NKAIN3: variants seen among roughly 807,000 people sequenced by gnomAD.
The protein encoded by NKAIN3 is sodium/potassium-transporting ATPase subunit beta-1-interacting protein 3.
Under a neutral mutation model 30.2 loss-of-function variants are expected in NKAIN3, and 25 were observed. The ratio of observed to expected loss-of-function variants is 0.83; its 90% CI spans 0.60 to 1.16. The LOEUF (loss-of-function observed/expected upper bound fraction) is 1.16, where lower values mean the gene tolerates loss of function less well. NKAIN3 is among the 50% of genes most tolerant of loss of function. The pLI, the probability that NKAIN3 is intolerant of heterozygous loss-of-function variation, is 0.00. For synonymous variants in NKAIN3, 91 were observed against 89.6 expected (o/e 1.02, Z -0.09); for missense variants, 225 against 254.1 (o/e 0.89, Z 0.78).
chr8:62,551,550 G>A (rs1249702412), intron 1 of NKAIN3, among the ~76,000 whole-genome samples: 1 of 152,140 alleles, frequency 6.6e-6, no homozygotes, highest in African/African-American at 2.4e-5. Context: ...GCTGGAATAG[G>A]GCTCGCCCCT....
chr8:62,703,914 C>G (rs1814431258), intron 3 of NKAIN3, among the ~76,000 whole-genome samples: 1 of 152,136 alleles, frequency 6.6e-6, no homozygotes, highest in Non-Finnish European at 1.5e-5. Context: ...GACTGTTACC[C>G]TACCCTGAAG....
intron 1 of NKAIN3, among the ~76,000 whole-genome samples, chr8:62,313,231 A>G (rs1814504638): frequency 6.6e-6 from 1 of 152,180 alleles, no homozygotes; most frequent in Non-Finnish European, 1.5e-5. Flanking sequence ...TAATTTATGT[A>G]AACCCTCTCA....
intron 4 of NKAIN3, among the ~76,000 whole-genome samples, chr8:62,916,376 A>T (rs1394774782): frequency 6.6e-6 from 1 of 152,208 alleles, no homozygotes; most frequent in African/African-American, 2.4e-5. Context: ...GATATATAGC[A>T]ACTGCAAGAG....
intron 1 of NKAIN3, among the ~76,000 whole-genome samples, chr8:62,296,781 G>A (rs1375247058): frequency 6.6e-6 from 1 of 152,124 alleles, no homozygotes; most frequent in Non-Finnish European, 1.5e-5. Context: ...TTTCTGCTGT[G>A]TTGCAGATCC....
chr8:62,489,113 T>C (rs1245278881), intron 1 of NKAIN3, among the ~76,000 whole-genome samples: 20 of 152,092 alleles, frequency 1.3e-4, no homozygotes, highest in Non-Finnish European at 2.6e-4. Context: ...GCCTCCTGGG[T>C]TCATGCCATT....
intron 3 of NKAIN3, among the ~76,000 whole-genome samples, chr8:62,662,079 G>A (rs528679149): frequency 6.6e-6 from 1 of 152,230 alleles, no homozygotes; most frequent in African/African-American, 2.4e-5. Context: ...ACCAAAAGGA[G>A]CCCCCTGAAA....
intron 1 of NKAIN3, among the ~76,000 whole-genome samples, chr8:62,344,331 C>T (rs1438542829): frequency 2.0e-5 from 3 of 151,974 alleles, no homozygotes; most frequent in Non-Finnish European, 2.9e-5. Flanking sequence ...ATATATTATA[C>T]ATAAGTGCAT....
chr8:62,798,709 G>A (rs905263995), intron 4 of NKAIN3, among the ~76,000 whole-genome samples: 5 of 152,208 alleles, frequency 3.3e-5, no homozygotes, highest in Non-Finnish European at 7.3e-5. Context: ...CTGGCTTGCA[G>A]AACTGAGATA....
intron 1 of NKAIN3, among the ~76,000 whole-genome samples, chr8:62,330,573 A>G (rs1815311213): frequency 1.3e-5 from 2 of 152,108 alleles, no homozygotes; most frequent in Middle Eastern, 3.4e-3. Flanking sequence ...TAGTACGGCC[A>G]TCTTGGTGAT....
chr8:62,871,537 T>A (rs1235557032), intron 4 of NKAIN3, among the ~76,000 whole-genome samples: 1 of 152,220 alleles, frequency 6.6e-6, no homozygotes, highest in Non-Finnish European at 1.5e-5. Flanking sequence ...ACAATATTAT[T>A]AACTGTAGTT....
chr8:62,286,566 T>G (rs1813386038), intron 1 of NKAIN3, among the ~76,000 whole-genome samples: 1 of 152,184 alleles, frequency 6.6e-6, no homozygotes, highest in Non-Finnish European at 1.5e-5. Context: ...TAGGTTTCTA[T>G]TAAACCATCA....
intron 4 of NKAIN3, among the ~76,000 whole-genome samples, chr8:62,845,965 TA>T (rs1486705343): frequency 6.6e-6 from 1 of 152,180 alleles, no homozygotes; most frequent in Non-Finnish European, 1.5e-5. Context: ...TACACAGAAC[TA>T]ACCAGAGACC....
intron 3 of NKAIN3, among the ~76,000 whole-genome samples, chr8:62,693,067 T>C (rs901857452): frequency 6.6e-6 from 1 of 152,200 alleles, no homozygotes; most frequent in Non-Finnish European, 1.5e-5. Flanking sequence ...ATTTCTTACA[T>C]TGAGTCTGCA....
At chr8:62,806,209 C>T (rs1291482492) in intron 4 of NKAIN3, among the ~76,000 whole-genome samples, 1 of 152,188 alleles carries the variant, frequency 6.6e-6, no homozygotes, top group African/African-American at 2.4e-5. Flanking sequence ...GTTGGTGGGA[C>T]TGTAAACTAG....
chr8:62,508,173 T>G (rs1356035154), intron 1 of NKAIN3, among the ~76,000 whole-genome samples: 2 of 152,140 alleles, frequency 1.3e-5, no homozygotes, highest in Non-Finnish European at 2.9e-5. Flanking sequence ...AGAATCTGAT[T>G]AGAGAGTGGT....
At chr8:62,487,499 G>A (rs1379097960) in intron 1 of NKAIN3, among the ~76,000 whole-genome samples, 1 of 152,178 alleles carries the variant, frequency 6.6e-6, no homozygotes, top group Non-Finnish European at 1.5e-5. Context: ...ATTTTTAAAA[G>A]TTAAGACAGC....
At chr8:62,992,810 G>A (rs1306526214) in intron 5 of NKAIN3, among the ~76,000 whole-genome samples, 2 of 152,144 alleles carry the variant, frequency 1.3e-5, no homozygotes, top group Non-Finnish European at 2.9e-5. Flanking sequence ...GCTAGTTAAA[G>A]GCAAGATTTT....
rs186367815 is a variant in NKAIN3, at chr8:62,977,107, C to T, written c.*11700C>T. On this transcript the variant is annotated 3_prime_UTR_variant, in exon 7 of 7. Coordinates refer to ENST00000623646, the MANE Select transcript of NKAIN3 (RefSeq NM_001304533.3). ...GTAACCCAACTTTTCTCTCTGGCTG[C>T]CCTTAACATTTTTTCTTTCAGTTCA... is the stretch of plus-strand genomic sequence containing the variant. Among the ~76,000 whole-genome samples, 163 of 152,248 alleles carry T rather than the reference C, an allele frequency of 1.1e-3. No individual in the cohort carries two copies. The highest frequency in any genetic ancestry group is 3.6e-3 in the African/African-American group (150 of 41,538).
intron 1 of NKAIN3, among the ~76,000 whole-genome samples, chr8:62,372,525 T>G (rs1816943236): frequency 6.6e-6 from 1 of 152,026 alleles, no homozygotes; most frequent in Admixed American, 6.5e-5. Flanking sequence ...TATCTGGTTG[T>G]GGAGATTCGC....
Sources: allele counts gnomAD v4.1 joint callset (sites outside exome capture counted in the v4.1 genomes callset), GRCh38; gene constraint gnomAD v4.1.1; transcripts MANE v1.5; gene names NCBI Gene and HGNC (gene_info 2026-07-23, HGNC 2026-07-21).